ADAM23: variants seen among roughly 807,000 people sequenced by gnomAD.
The protein encoded by ADAM23 is disintegrin and metalloproteinase domain-containing protein 23.
ADAM23 carries 33 observed loss-of-function variants against 120.1 expected under a neutral mutation model. The ratio of observed to expected loss-of-function variants is 0.27; its 90% CI spans 0.21 to 0.37. The LOEUF (loss-of-function observed/expected upper bound fraction) is 0.37, where lower values mean the gene tolerates loss of function less well. Ranked by LOEUF, ADAM23 falls within the 10% of genes least tolerant of loss-of-function variation. ADAM23 has a pLI of 1.00. For synonymous variants in ADAM23, 367 were observed against 375.2 expected (o/e 0.98, Z 0.25); for missense variants, 862 against 1,058.2 (o/e 0.81, Z 2.57).
At chr2:206,549,997 T>C (rs977657316) in intron 8 of ADAM23, 98 bp from the exon 9 acceptor site, 1 of 648,936 alleles carries the variant, frequency 1.5e-6, no homozygotes, top group African/African-American at 1.9e-5. Flanking sequence ...AGCAGAGAGT[T>C]GTTCTGAAAT....
intron 17 of ADAM23, 44 bp from the exon 18 acceptor site, chr2:206,573,071 A>G (rs1698036979): frequency 1.3e-6 from 2 of 1,585,482 alleles, no homozygotes; most frequent in Middle Eastern, 1.7e-4. Flanking sequence ...TAACTCTGAA[A>G]TATTATGTAA....
chr2:206,547,598 G>A lies in ADAM23; in HGVS notation c.793+97G>A, dbSNP rs77903792. 4.2e-3 allele frequency: 4,399 copies of A among 1,038,994 alleles called. 95 individuals carry two copies. In the African/African-American group the frequency reaches 0.062, roughly 15 times the overall value. The allele number at this position is 1,038,994 out of a possible 1,614,324, so 64.4% of individuals were successfully genotyped here. A position where few individuals can be genotyped will look rare whatever the true frequency, so the allele number is the denominator to read the frequency against. On this transcript the variant is annotated intron_variant, in intron 7 of 25. Coordinates refer to ENST00000264377, the MANE Select transcript of ADAM23 (RefSeq NM_003812.4). ...ATGCAGGCTTGTTGGAAGTGGAATTGGTCTGATATCAGGGGTGAACATCGT... is the reference window on the plus strand; with the variant it reads ...ATGCAGGCTTGTTGGAAGTGGAATTAGTCTGATATCAGGGGTGAACATCGT...
At chr2:206,588,529 G>C (rs1251439551) in intron 20 of ADAM23, among the ~76,000 whole-genome samples, 1 of 152,072 alleles carries the variant, frequency 6.6e-6, no homozygotes, top group Non-Finnish European at 1.5e-5. Flanking sequence ...TTAGCTTTCT[G>C]GTTTTTACCG....
chr2:206,570,050 C>T (rs1001649905), intron 15 of ADAM23, among the ~76,000 whole-genome samples: 1 of 152,226 alleles, frequency 6.6e-6, no homozygotes, highest in Non-Finnish European at 1.5e-5. Context: ...AAACAGTCAA[C>T]TACCTTTACA....
At chr2:206,473,958 G>C (rs1002101834) in intron 2 of ADAM23, among the ~76,000 whole-genome samples, 1 of 147,792 alleles carries the variant, frequency 6.8e-6, no homozygotes, top group Non-Finnish European at 1.5e-5. Context: ...GCTGCAGTGA[G>C]TTGTGATTGC....
intron 18 of ADAM23, among the ~76,000 whole-genome samples, chr2:206,577,591 C>T (rs1698139917): frequency 7.1e-6 from 1 of 141,458 alleles, no homozygotes; most frequent in Non-Finnish European, 1.5e-5. Flanking sequence ...AGGACATGAA[C>T]TCATCATTTT....
chr2:206,529,474 C>A (rs939822473), intron 3 of ADAM23, among the ~76,000 whole-genome samples: 1 of 152,174 alleles, frequency 6.6e-6, no homozygotes, highest in African/African-American at 2.4e-5. Flanking sequence ...TCGTAGCTCA[C>A]TGCAGCCTCG....
chr2:206,572,768 A>G (rs1175323148), intron 17 of ADAM23, among the ~76,000 whole-genome samples: 2 of 152,358 alleles, frequency 1.3e-5, no homozygotes, highest in East Asian at 3.9e-4. Context: ...CTTCAGAGAG[A>G]TCTTAAATGT....
At chr2:206,556,886 TG>T (rs1259028174) in intron 9 of ADAM23, among the ~76,000 whole-genome samples, 7 of 152,298 alleles carry the variant, frequency 4.6e-5, no homozygotes, top group African/African-American at 1.7e-4. Flanking sequence ...GACATTTTCT[TG>T]ATCTGTGCGT....
chr2:206,452,441 T>G (rs1695215447), intron 2 of ADAM23, among the ~76,000 whole-genome samples: 2 of 152,170 alleles, frequency 1.3e-5, no homozygotes, highest in Admixed American at 1.3e-4. Context: ...ATTAGTGTCA[T>G]TCTGTCTTCA....
intron 23 of ADAM23, 86 bp from the exon 24 acceptor site, chr2:206,595,961 TCCTC>T (rs754915699): frequency 1.7e-4 from 168 of 994,148 alleles, no homozygotes; most frequent in Non-Finnish European, 2.4e-4. Flanking sequence ...TTTTAAAGCT[TCCTC>T]CCTGCCCCCG....
chr2:206,484,417 T>G (rs1347583606), intron 3 of ADAM23, among the ~76,000 whole-genome samples: 3 of 152,192 alleles, frequency 2.0e-5, no homozygotes, highest in Non-Finnish European at 4.4e-5. Flanking sequence ...CTTTCTGGTG[T>G]TGTTTTTTAT....
intron 9 of ADAM23, among the ~76,000 whole-genome samples, chr2:206,556,987 T>A (rs1422594121): frequency 2.0e-5 from 3 of 152,234 alleles, no homozygotes; most frequent in Non-Finnish European, 4.4e-5. Flanking sequence ...ATTGAATTTG[T>A]AGACATTAAG....
At chr2:206,479,686 C>T (rs1559226294) in intron 2 of ADAM23, among the ~76,000 whole-genome samples, 1 of 152,092 alleles carries the variant, frequency 6.6e-6, no homozygotes, top group Non-Finnish European at 1.5e-5. Flanking sequence ...CTCTCTCTCT[C>T]TCTTTCTCTC....
intron 24 of ADAM23, among the ~76,000 whole-genome samples, chr2:206,602,260 A>G (rs1424535992): frequency 6.6e-6 from 1 of 152,150 alleles, no homozygotes; most frequent in African/African-American, 2.4e-5. Flanking sequence ...AGTTCAGAAA[A>G]ACCCTATTTT....
At chr2:206,554,791 T>TAA (rs1418432591) in intron 9 of ADAM23, among the ~76,000 whole-genome samples, 3 of 152,150 alleles carry the variant, frequency 2.0e-5, no homozygotes, top group African/African-American at 7.2e-5. Flanking sequence ...GCGAAACACT[T>TAA]ACAGTTTCTA....
At chr2:206,551,479 T>TGA (rs1452517469) in intron 9 of ADAM23, among the ~76,000 whole-genome samples, 1 of 152,216 alleles carries the variant, frequency 6.6e-6, no homozygotes, top group Non-Finnish European at 1.5e-5. Flanking sequence ...TTTATATAGA[T>TGA]GAGAATCTTT....
chr2:206,593,370 T>C (rs1698462590), intron 22 of ADAM23, among the ~76,000 whole-genome samples: 1 of 152,210 alleles, frequency 6.6e-6, no homozygotes, highest in African/African-American at 2.4e-5. Flanking sequence ...TTGTTGTTGC[T>C]CAAAACACTT....
intron 2 of ADAM23, among the ~76,000 whole-genome samples, chr2:206,459,018 C>T (rs999386035): frequency 2.0e-5 from 3 of 152,150 alleles, no homozygotes; most frequent in Non-Finnish European, 2.9e-5. Flanking sequence ...TTGGTTTTTG[C>T]GTCTTAACAG....
Sources: allele counts gnomAD v4.1 joint callset (sites outside exome capture counted in the v4.1 genomes callset), GRCh38; gene constraint gnomAD v4.1.1; transcripts MANE v1.5; gene names NCBI Gene and HGNC (gene_info 2026-07-23, HGNC 2026-07-21).